The following ELOA variants were observed in gnomAD, a reference collection of about 807,000 sequenced individuals.
ELOA encodes the protein elongin A, also known as elongin-A.
A neutral mutation model predicts 85.2 loss-of-function variants in ELOA; 15 were observed. That is an observed-to-expected ratio of 0.18 (90% CI 0.12 to 0.27). The LOEUF (loss-of-function observed/expected upper bound fraction) is 0.27. ELOA is among the 10% of genes least tolerant of loss of function. The probability of loss-of-function intolerance (pLI) is 1.00; values close to 1 mark genes in which losing one functional copy is unlikely to be tolerated. For missense variants in ELOA, 769 were observed against 952.7 expected, an observed-to-expected ratio of 0.81 and a Z score of 2.54; for synonymous variants, 348 against 357.2, an observed-to-expected ratio of 0.97 and a Z score of 0.29.
chr1:23,746,880 C>G (rs1000484045), intron 1 of ELOA, among the ~76,000 whole-genome samples: 1 of 152,100 alleles, frequency 6.6e-6, no homozygotes, highest in African/African-American at 2.4e-5. Flanking sequence ...GCCCAATGTG[C>G]CTTTGCCTTG....
At position 23,754,832 on chromosome 1, in the gene ELOA, T is replaced by TAAG. The variant is rs150353900; in HGVS notation, c.1791+375_1791+377dup. ...ATCTGGTGATTGGCTGGATGTCTCT[T>TAAG]AAGAAACATCAAGATTTATCCAGAA... On this transcript the variant is annotated intron_variant, in intron 7 of 10. Coordinates refer to ENST00000613537, the MANE Select transcript of ELOA (RefSeq NM_003198.3). Among the ~76,000 whole-genome samples the TAAG allele has an allele frequency of 5.0e-4, 76 of 152,288 alleles. 6 individuals carry two copies. In the East Asian group the frequency reaches 0.015, roughly 29 times the overall value.
intron 10 of ELOA, among the ~76,000 whole-genome samples, chr1:23,757,657 C>T (rs1344028483): frequency 6.6e-6 from 1 of 152,020 alleles, no homozygotes; most frequent in Non-Finnish European, 1.5e-5. Flanking sequence ...CACCACCATG[C>T]CCACCTAATT....
intron 1 of ELOA, among the ~76,000 whole-genome samples, chr1:23,743,807 A>T (rs1644734100): frequency 1.3e-5 from 2 of 151,252 alleles, no homozygotes; most frequent in Non-Finnish European, 3.0e-5. Flanking sequence ...CGGGCCCGGG[A>T]TGGGGGCGCG....
rs1224791949 is a variant in ELOA, at chr1:23,758,246, A to AATTTATTTATTT, written c.2257+1126_2257+1137dup. ...TTCTTTATATCTAATTGGGTCTTCC[A>AATTTATTTATTT]ATTTATTTATTTATTTTTTTTTTTT... On this transcript the variant is annotated intron_variant, in intron 10 of 10. Coordinates refer to ENST00000613537, the MANE Select transcript of ELOA (RefSeq NM_003198.3). Among the ~76,000 whole-genome samples the AATTTATTTATTT allele has an allele frequency of 3.1e-4, 21 of 67,112 alleles. 2 individuals carry two copies. The highest frequency in any genetic ancestry group is 2.6e-3 in the East Asian group (5 of 1,888). 44.0% of individuals were successfully genotyped at this position (67,112 alleles called of 152,430 possible).
chr1:23,758,683 C>T (rs1372808475), intron 10 of ELOA, among the ~76,000 whole-genome samples: 3 of 151,084 alleles, frequency 2.0e-5, no homozygotes, highest in Admixed American at 6.7e-5. Context: ...TAACTTAAGT[C>T]TTATTCTGTA....
intron 9 of ELOA, 59 bp from the exon 10 acceptor site, chr1:23,756,884 CTTCAGGCTGT>C: frequency 7.1e-7 from 1 of 1,413,566 alleles, no homozygotes; most frequent in Non-Finnish European, 9.3e-7. Flanking sequence ...CACAGGCCAG[CTTCAGGCTGT>C]TCATGCTCAG....
chr1:23,750,755 T>G, intron 3 of ELOA, 90 bp from the exon 4 acceptor site: 1 of 1,263,968 alleles, frequency 7.9e-7, no homozygotes, highest in Non-Finnish European at 1.1e-6. Context: ...ACTCTGCATC[T>G]TCACTTCTTT....
chr1:23,751,742 T>C lies in ELOA; in HGVS notation c.1137T>C (p.Asn379=). 1 of 1,614,062 alleles carries C rather than the reference T, an allele frequency of 6.2e-7. No homozygotes were observed. Among genetic ancestry groups the C allele is most frequent in the Non-Finnish European group, 8.5e-7 (1 of 1,180,010 alleles). The stretch of plus-strand genomic sequence containing the variant: ...CTCCAGAAGGGAAAGTCAAAACTAA[T>C]TTGGATAGAAAGTCACTGGGCTCCC... ...LKTPEGKVKT[N]LDRKSLGSLP... The change falls in exon 4 of 11, where the codon AAT becomes AAC. Residue 379 remains asparagine (N), a synonymous_variant. Transcript: ENST00000613537.
chr1:23,754,535 T>C, intron 7 of ELOA, 75 bp downstream of exon 7: 1 of 1,197,442 alleles, frequency 8.4e-7, no homozygotes, highest in South Asian at 1.2e-5. Flanking sequence ...TCCCTGTGAC[T>C]CCGCTGTGGC....
chr1:23,759,731 G>A lies in ELOA; in HGVS notation c.*158G>A, dbSNP rs999123884. ...GCAGGTGCTGCCCCTGGGAACCTGC[G>A]TGCCACAGCCCCGCCTCCCTGCCTG... On this transcript the variant is annotated 3_prime_UTR_variant, in exon 11 of 11. Coordinates refer to ENST00000613537, the MANE Select transcript of ELOA (RefSeq NM_003198.3). The A allele has an allele frequency of 1.5e-5, 11 of 730,648 alleles. No individual in the cohort carries two copies. Among genetic ancestry groups the A allele is most frequent in the South Asian group, 1.2e-4 (7 of 56,468 alleles). The allele number at this position is 730,648 out of a possible 1,614,324, so 45.3% of individuals were successfully genotyped here. A position where few individuals can be genotyped will look rare whatever the true frequency, so the allele number is the denominator to read the frequency against.
chr1:23,746,608 CAAAAAAAA>C (rs55782205), intron 1 of ELOA, among the ~76,000 whole-genome samples: 8 of 68,424 alleles, frequency 1.2e-4, no homozygotes, highest in East Asian at 4.2e-4. Flanking sequence ...ACTCCATCTC[CAAAAAAAA>C]AAAAAAAAAA....
chr1:23,751,801 A>T lies in ELOA; in HGVS notation c.1196A>T (p.Glu399Val), dbSNP rs762581720. The T allele has an allele frequency of 1.4e-5, 23 of 1,614,084 alleles. No homozygotes were observed. Among genetic ancestry groups the T allele is most frequent in the Non-Finnish European group, 1.9e-5 (23 of 1,180,046 alleles). The change falls in exon 4 of 11, where the codon GAA (glutamate) becomes GTA (valine). Residue 399 changes from glutamate to valine, a missense_variant. Glu to Val is a moderately radical substitution (Grantham distance 121). Coordinates refer to ENST00000613537, the MANE Select transcript of ELOA (RefSeq NM_003198.3). Reference sequence around the variant, plus strand: ...GTTGAGGAGACAGATATGGAGGATGAATTCGAGCAGCCAACCATGTCTTTT... The same window carrying T: ...GTTGAGGAGACAGATATGGAGGATGTATTCGAGCAGCCAACCATGTCTTTT... Reference protein sequence around the residue: ...PKVEETDMEDEFEQPTMSFES... With the variant: ...PKVEETDMEDVFEQPTMSFES...
chr1:23,753,146 T>C (rs971363657), intron 5 of ELOA, among the ~76,000 whole-genome samples: 2 of 152,150 alleles, frequency 1.3e-5, no homozygotes, highest in African/African-American at 4.8e-5. Context: ...CAAGACTGTT[T>C]CAAAAACAAA....
At position 23,751,358 on chromosome 1, in the gene ELOA, C is replaced by A; in HGVS notation, c.753C>A (p.Asp251Glu). 1 of 1,614,202 alleles carries A rather than the reference C, an allele frequency of 6.2e-7. No homozygotes were observed. The highest frequency in any genetic ancestry group is 8.5e-7 in the Non-Finnish European group (1 of 1,180,044). ...QNKEHKSSHK[D>E]KRPVDAKSDE... Reference sequence around the variant, plus strand: ...AGGAGCACAAATCTTCCCACAAGGACAAACGCCCCGTGGATGCCAAGAGTG... The same window carrying A: ...AGGAGCACAAATCTTCCCACAAGGAAAAACGCCCCGTGGATGCCAAGAGTG... The change falls in exon 4 of 11, where the codon GAC becomes GAA. Residue 251 changes from aspartate (D) to glutamate (E), a missense_variant. This residue lies in a region of ELOA where 440 missense variants were observed against 474.0 expected (regional missense o/e 0.93). Transcript: ENST00000613537.
intron 2 of ELOA, 110 bp downstream of exon 2, chr1:23,749,187 G>A (rs372043238): frequency 1.6e-4 from 143 of 897,344 alleles, no homozygotes; most frequent in African/African-American, 1.6e-3. Context: ...AAAGAAACCA[G>A]ACACAAAAGG....
At chr1:23,746,266 C>T (rs1644746149) in intron 1 of ELOA, among the ~76,000 whole-genome samples, 1 of 140,196 alleles carries the variant, frequency 7.1e-6, no homozygotes, top group Non-Finnish European at 1.5e-5. Context: ...CCAGCCTGGG[C>T]AACAAGAGCG....
chr1:23,746,854 C>T (rs769794185), intron 1 of ELOA, among the ~76,000 whole-genome samples: 30 of 152,288 alleles, frequency 2.0e-4, no homozygotes, highest in Non-Finnish European at 1.5e-4. Context: ...CAGCAAGTTT[C>T]GATCCACCTG....
chr1:23,754,938 C>CTTT (rs76429686), intron 7 of ELOA, among the ~76,000 whole-genome samples: 62 of 141,104 alleles, frequency 4.4e-4, no homozygotes, highest in Admixed American at 1.9e-3. Context: ...GACCTAACAC[C>CTTT]TTTTTTTTTT....
intron 1 of ELOA, among the ~76,000 whole-genome samples, chr1:23,747,566 CT>C (rs531947281): frequency 7.2e-5 from 11 of 152,148 alleles, no homozygotes; most frequent in Non-Finnish European, 1.3e-4. Context: ...TGTTTTTGAC[CT>C]TTTCAGTGAT....
Sources: gnomAD v4.1 joint callset for allele counts (sites outside exome capture counted in the v4.1 genomes callset) on GRCh38, gnomAD v4.1.1 for gene constraint, gnomAD v4.1.1 regional missense constraint, MANE v1.5 for transcripts, NCBI Gene and HGNC (gene_info 2026-07-23, HGNC 2026-07-21) for gene names.